Variants in ERN2 observed in about 807,000 individuals in gnomAD.
ERN2 encodes endoplasmic reticulum to nucleus signaling 2.
ERN2 carries 111 observed loss-of-function variants against 107.9 expected under a neutral mutation model. The observed-to-expected ratio is 1.03, with a 90% CI of 0.88 to 1.20. The LOEUF is 1.20. Ranked by LOEUF, ERN2 falls within the 50% of genes most tolerant of loss-of-function variation. ERN2 has a pLI of 0.00. For synonymous variants in ERN2, 524 were observed against 501.7 expected (o/e 1.04, Z -0.59); for missense variants, 1,225 against 1,197.9 (o/e 1.02, Z -0.33).
At chr16:23,695,801 C>A in intron 14 of ERN2, 93 bp downstream of exon 14, 1 of 863,064 alleles carries the variant, frequency 1.2e-6, no homozygotes, top group Non-Finnish European at 1.9e-6. Flanking sequence ...GTACCCACCT[C>A]GGGGAGTCTT....
intron 8 of ERN2, among the ~76,000 whole-genome samples, chr16:23,704,112 T>G (rs1426172421): frequency 1.3e-5 from 2 of 152,234 alleles, no homozygotes; most frequent in African/African-American, 4.8e-5. Context: ...TTTCCCAAGC[T>G]GTCTACTGGT....
At chr16:23,702,740 C>T (rs752623489) in intron 8 of ERN2, 38 bp from the exon 9 acceptor site, 2 of 1,547,032 alleles carry the variant, frequency 1.3e-6, no homozygotes, top group Admixed American at 1.7e-5. Context: ...AGAATGAATG[C>T]TGGTGATGGG....
intron 4 of ERN2, chr16:23,709,926 A>G: frequency 2.1e-6 from 1 of 468,634 alleles, no homozygotes. Flanking sequence ...TAAAGCCCTC[A>G]GAGTCCTGGA....
At chr16:23,711,728 G>T (rs1032451139) in intron 1 of ERN2, among the ~76,000 whole-genome samples, 5 of 152,166 alleles carry the variant, frequency 3.3e-5, no homozygotes, top group African/African-American at 1.2e-4. Context: ...TTAGGTCATT[G>T]GTTAGGTCAT....
intron 17 of ERN2, among the ~76,000 whole-genome samples, chr16:23,693,391 C>T (rs1305828573): frequency 1.3e-5 from 2 of 151,932 alleles, no homozygotes; most frequent in Non-Finnish European, 2.9e-5. Context: ...AGTTCGAGAC[C>T]AGCCTGGCCA....
In ERN2 at chr16:23,695,922, G is replaced by A. The variant is rs753716151; in HGVS notation, c.1582C>T (p.Arg528Cys). The stretch of plus-strand genomic sequence containing the variant: ...AAAACGAAAGTCCCGCCTGCCCCGC[G>A]GCCCAGCACGTCCTTGGGATTGAAG... The part of the protein sequence containing the change: ...ISFNPKDVLG[R>C]GAGGTFVFRG... Residue 528 changes from arginine to cysteine, a missense_variant, in exon 14 of 22, where the codon CGC becomes TGC. By Grantham distance (180) the Arg-to-Cys change is radical. Transcript: ENST00000256797. 13 of 1,613,974 alleles carry A rather than the reference G, an allele frequency of 8.1e-6. No individual in the cohort carries two copies. The highest frequency in any genetic ancestry group is 1.3e-5 in the African/African-American group (1 of 74,914).
At position 23,695,982 on chromosome 16, in the gene ERN2, G is replaced by C; in HGVS notation, c.1526-4C>G. ...CCCACTACGGTGAGTTGCTCAGCTG[G>C]GGGAGAGGAGGGTGGTGACTCAGGG... On this transcript the variant is annotated splice_polypyrimidine_tract_variant and splice_region_variant and intron_variant, in intron 13 of 21. Coordinates refer to ENST00000256797, the MANE Select transcript of ERN2 (RefSeq NM_033266.4). 6.2e-7 allele frequency: 1 copy of C among 1,612,418 alleles called. No homozygotes were observed. The highest frequency in any genetic ancestry group is 8.5e-7 in the Non-Finnish European group (1 of 1,178,514).
intron 4 of ERN2, 101 bp downstream of exon 4, chr16:23,710,071 C>A (rs1807057481): frequency 1.3e-6 from 1 of 797,846 alleles, no homozygotes; most frequent in Admixed American, 2.0e-5. Flanking sequence ...ATATCCTCTG[C>A]AGAACAGGAG....
intron 7 of ERN2, 124 bp downstream of exon 7, chr16:23,706,206 T>G (rs1430368730): frequency 6.2e-6 from 4 of 643,876 alleles, no homozygotes; most frequent in Non-Finnish European, 8.1e-6. Context: ...CCATTTAGTA[T>G]ATGGGGTCCC....
At position 23,713,100 on chromosome 16, in the gene ERN2, G is replaced by A; in HGVS notation, c.88C>T (p.Pro30Ser). ...CGTCGGTCCCTGGCTCTCACCTGTG[G>A]ACTCAGCGTCCCGAGCAGCAGCGCC... ...FAALLLGTLS[P>S]QVHTLRPENL... Residue 30 changes from proline to serine, a missense_variant, in exon 1 of 22, where the codon CCA (proline) becomes TCA (serine). By Grantham distance (74) the Pro-to-Ser change is moderately conservative. Coordinates refer to ENST00000256797, the MANE Select transcript of ERN2 (RefSeq NM_033266.4). 1 of 1,575,856 alleles carries A rather than the reference G, an allele frequency of 6.3e-7. No individual in the cohort carries two copies. Among genetic ancestry groups the A allele is most frequent in the Non-Finnish European group, 8.6e-7 (1 of 1,166,996 alleles).
At chr16:23,704,835 G>A (rs747276024) in intron 8 of ERN2, 48 bp downstream of exon 8, 29 of 1,583,578 alleles carry the variant, frequency 1.8e-5, no homozygotes, top group Admixed American at 3.4e-5. Context: ...CCCAGGTTGC[G>A]ACACTCCCAG....
chr16:23,694,891 G>C lies in ERN2; in HGVS notation c.1937C>G (p.Thr646Ser), dbSNP rs1222977013. ...RDLKPGNILI[T>S]GPDSQGLGRV... ...GCCCAGGCCCTGGCTGTCAGGCCCG[G>C]TGATGAGAATATTTCCTGGCTTCAG... Residue 646 changes from threonine (T) to serine (S), a missense_variant, in exon 17 of 22, where the codon ACC (threonine) becomes AGC (serine). Transcript: ENST00000256797. 5 of 1,614,142 alleles carry C rather than the reference G, an allele frequency of 3.1e-6. No individual in the cohort carries two copies. In the Admixed American group the frequency reaches 6.7e-5, roughly 22 times the overall value.
chr16:23,706,552 C>T (rs1311433681), intron 6 of ERN2, 121 bp from the exon 7 acceptor site: 1 of 801,528 alleles, frequency 1.2e-6, no homozygotes, highest in African/African-American at 1.7e-5. Context: ...ACCTGGAAGC[C>T]TGTGAACATC....
chr16:23,712,461 A>G (rs1278568795), intron 1 of ERN2: 1 of 157,934 alleles, frequency 6.3e-6, no homozygotes. Flanking sequence ...GAAGCCGGGA[A>G]TGAGAGGTGC....
rs772191783 is a variant in ERN2, at chr16:23,702,693, C to G, written c.864G>C (p.Leu288=). ...STLDTQLLMT[L]YVGKDETGFY... ...AGCCAGTTTCATCCTTCCCCACATA[C>G]AGCGTCATTCTAGTGGGAGAGAAGA... Residue 288 remains leucine (L), a synonymous_variant, in exon 9 of 22, where the codon CTG becomes CTC. Coordinates refer to ENST00000256797, the MANE Select transcript of ERN2 (RefSeq NM_033266.4). 5 of 1,613,810 alleles carry G rather than the reference C, an allele frequency of 3.1e-6. No individual in the cohort carries two copies. The South Asian group carries it at 5.5e-5, about 18-fold the overall frequency.
chr16:23,695,754 A>T, intron 14 of ERN2, 140 bp downstream of exon 14: 1 of 589,858 alleles, frequency 1.7e-6, no homozygotes. Context: ...AAAACAGATA[A>T]AGGAAAGAGC....
chr16:23,692,221 C>A lies in ERN2; in HGVS notation c.2211G>T (p.Gly737=). Reference sequence around the variant, plus strand: ...CCTCCAGGTGAGCCAGACAGGGAGCCCCTGTGAGGATGTTTGCCTGGCGAT... The same window carrying A: ...CCTCCAGGTGAGCCAGACAGGGAGCACCTGTGAGGATGTTTGCCTGGCGAT... The part of the protein sequence containing the change: ...SLYRQANILT[G]APCLAHLEEE... Residue 737 remains glycine, a synonymous_variant, in exon 18 of 22, where the codon GGG becomes GGT. Coordinates refer to ENST00000256797, the MANE Select transcript of ERN2 (RefSeq NM_033266.4). 1.2e-6 allele frequency: 2 copies of A among 1,614,170 alleles called. No individual in the cohort carries two copies. The highest frequency in any genetic ancestry group is 1.7e-6 in the Non-Finnish European group (2 of 1,180,036).
rs201663472 is a variant in ERN2 at position 23,690,933 on chromosome 16, C to T, written c.2679G>A (p.Thr893=). The change falls in exon 22 of 22, where the codon ACG becomes ACA. Residue 893 remains threonine, a synonymous_variant. Coordinates refer to ENST00000256797, the MANE Select transcript of ERN2 (RefSeq NM_033266.4). ...TNRFPRLLLH[T]HRAMRSCASE... is the part of the protein sequence containing the mutation. ...AGGCGCAGCTCCTCATGGCTCGGTG[C>T]GTGTGGAGGAGCAGCCGTGGGAAGC... 7 of 1,613,942 alleles carry T rather than the reference C, an allele frequency of 4.3e-6. No individual in the cohort carries two copies. The highest frequency in any genetic ancestry group is 2.2e-5 in the East Asian group (1 of 44,880).
At chr16:23,710,059 T>G in intron 4 of ERN2, 113 bp downstream of exon 4, 1 of 745,870 alleles carries the variant, frequency 1.3e-6, no homozygotes, top group Non-Finnish European at 2.4e-6. Context: ...GAGTCCTGAC[T>G]TATATCCTCT....
Sources: gnomAD v4.1 joint callset for allele counts (sites outside exome capture counted in the v4.1 genomes callset) on GRCh38, gnomAD v4.1.1 for gene constraint, MANE v1.5 for transcripts, NCBI Gene and HGNC (gene_info 2026-07-23, HGNC 2026-07-21) for gene names.